Variants in AP5M1 observed in about 807,000 individuals in gnomAD.
AP5M1 encodes AP-5 complex subunit mu-1.
In AP5M1, 44 loss-of-function variants were observed where a neutral mutation model predicts 52.3. That is an observed-to-expected ratio of 0.84 (90% CI 0.66 to 1.08). AP5M1 has a LOEUF of 1.08. AP5M1 is among the 50% of genes least tolerant of loss of function. AP5M1 has a pLI of 0.00. For missense variants in AP5M1, 526 were observed against 568.4 expected (o/e 0.93, Z 0.76); for synonymous variants, 213 against 199.0 (o/e 1.07, Z -0.59).
In AP5M1 at chr14:57,269,011, G is replaced by C. The variant is rs1319578125; in HGVS notation, c.-304G>C. On this transcript the variant is annotated 5_prime_UTR_variant, in exon 1 of 8. Transcript: ENST00000261558. ...GTGTATGAGGAACTTTGATCCTTGC[G>C]GGCCACCATTCCGGAAGTAGAATTT... 1 of 553,476 alleles carries C rather than the reference G, an allele frequency of 1.8e-6. No individual in the cohort carries two copies. The highest frequency in any genetic ancestry group is 1.9e-5 in the African/African-American group (1 of 51,742). The allele number at this position is 553,476 out of a possible 1,614,324, so 34.3% of individuals were successfully genotyped here. A position where few individuals can be genotyped will look rare whatever the true frequency, so the allele number is the denominator to read the frequency against.
At position 57,269,225 on chromosome 14, in the gene AP5M1, T is replaced by C. The variant is rs1884811017; in HGVS notation, c.-90T>C. 1.0e-5 allele frequency: 13 copies of C among 1,268,158 alleles called. No homozygotes were observed. Among genetic ancestry groups the C allele is most frequent in the Non-Finnish European group, 1.5e-5 (13 of 882,460 alleles). 78.6% of individuals were successfully genotyped at this position (1,268,158 alleles called of 1,614,324 possible). ...GGCGCAGGATGAGCCTCAGGGCTTCTGTTAAGAGTCTGTCTGAGAAAGCCG... is the reference window on the plus strand; with the variant it reads ...GGCGCAGGATGAGCCTCAGGGCTTCCGTTAAGAGTCTGTCTGAGAAAGCCG... On this transcript the variant is annotated 5_prime_UTR_variant, in exon 1 of 8. Coordinates refer to ENST00000261558, the MANE Select transcript of AP5M1 (RefSeq NM_018229.4).
intron 1 of AP5M1, among the ~76,000 whole-genome samples, chr14:57,272,843 A>G (rs908135498): frequency 2.6e-5 from 4 of 152,182 alleles, no homozygotes; most frequent in Admixed American, 2.0e-4. Flanking sequence ...ATCAGAATGT[A>G]GGTGATATTT....
chr14:57,288,213 T>C (rs1885353805), intron 7 of AP5M1, among the ~76,000 whole-genome samples: 2 of 151,706 alleles, frequency 1.3e-5, no homozygotes, highest in Admixed American at 6.6e-5. Flanking sequence ...AGAATTTACA[T>C]GTGTAACTCC....
In AP5M1 at chr14:57,288,985, C is replaced by T; in HGVS notation, c.*101C>T. ...TGCATATAACCTGTGAGTGAAAAATCACTGAATGATTTAATTGTAAAAGTA... is the reference window on the plus strand; with the variant it reads ...TGCATATAACCTGTGAGTGAAAAATTACTGAATGATTTAATTGTAAAAGTA... On this transcript the variant is annotated 3_prime_UTR_variant, in exon 8 of 8. Coordinates refer to ENST00000261558, the MANE Select transcript of AP5M1 (RefSeq NM_018229.4). 3.0e-6 allele frequency: 2 copies of T among 658,294 alleles called. No individual in the cohort carries two copies. The highest frequency in any genetic ancestry group is 2.1e-5 in the South Asian group (1 of 47,694). 40.8% of individuals were successfully genotyped at this position (658,294 alleles called of 1,614,324 possible).
chr14:57,274,183 T>A (rs1884960461), intron 1 of AP5M1, 61 bp from the exon 2 acceptor site: 2 of 1,505,460 alleles, frequency 1.3e-6, no homozygotes, highest in Non-Finnish European at 1.8e-6. Flanking sequence ...TTTAAAAAAA[T>A]TCTTTCATCT....
chr14:57,296,119 A>G lies in AP5M1; in HGVS notation c.*7235A>G, dbSNP rs1230267875. On this transcript the variant is annotated 3_prime_UTR_variant, in exon 8 of 8. Transcript: ENST00000261558. ...GAATTTTAGCCTTTACCTTTCTAAA[A>G]TGAACAATTTAAATCACTCTTACAC... The G allele has an allele frequency of 6.6e-6, 1 of 152,050 alleles. No individual in the cohort carries two copies. The allele number at this position is 152,050 out of a possible 1,614,324, so 9.4% of individuals were successfully genotyped here.
chr14:57,272,364 T>G (rs1344233241), intron 1 of AP5M1, among the ~76,000 whole-genome samples: 1 of 152,228 alleles, frequency 6.6e-6, no homozygotes, highest in African/African-American at 2.4e-5. Flanking sequence ...AGGCAAATGA[T>G]GTTTTCTCTA....
At position 57,291,535 on chromosome 14, in the gene AP5M1, T is replaced by C. The variant is rs534737091; in HGVS notation, c.*2651T>C. The C allele has an allele frequency of 1.3e-5, 2 of 152,018 alleles. No individual in the cohort carries two copies. Among genetic ancestry groups the C allele is most frequent in the South Asian group, 4.1e-4 (2 of 4,830 alleles). The allele number at this position is 152,018 out of a possible 1,614,324, so 9.4% of individuals were successfully genotyped here. On this transcript the variant is annotated 3_prime_UTR_variant, in exon 8 of 8. Transcript: ENST00000261558. The stretch of plus-strand genomic sequence containing the variant: ...CAATACCCTTACGGTGGTGGCAATT[T>C]TTTTTTAACTTTTTAAGTAATTGAT...
chr14:57,274,185 C>T, intron 1 of AP5M1, 59 bp from the exon 2 acceptor site: 1 of 1,508,402 alleles, frequency 6.6e-7, no homozygotes, highest in Non-Finnish European at 8.8e-7. Flanking sequence ...TAAAAAAATT[C>T]TTTCATCTTG....
chr14:57,274,383 C>T lies in AP5M1; in HGVS notation c.214C>T (p.Arg72Cys), dbSNP rs777090525. 5.6e-6 allele frequency: 9 copies of T among 1,614,118 alleles called. No individual in the cohort carries two copies. Among genetic ancestry groups the T allele is most frequent in the African/African-American group, 2.7e-5 (2 of 75,020 alleles). The change falls in exon 2 of 8, where the codon CGT (arginine) becomes TGT (cysteine). Residue 72 changes from arginine (R) to cysteine (C), a missense_variant. Around this residue, in one of 3 missense-constraint regions of AP5M1, gnomAD observed 425 missense variants for 430.6 expected, o/e 0.99. Transcript: ENST00000261558. ...LDDDKDFVES[R>C]DSCSRINKTS... ...TGATGATAAAGACTTCGTTGAGAGT[C>T]GTGATAGCTGTTCACGCATCAATAA...
At chr14:57,283,315 C>T (rs978904420) in intron 6 of AP5M1, 85 bp downstream of exon 6, 6 of 797,356 alleles carry the variant, frequency 7.5e-6, no homozygotes, top group Non-Finnish European at 1.2e-5. Context: ...TAATGTTTTC[C>T]ACCAATTGTT....
At position 57,269,135 on chromosome 14, in the gene AP5M1, G is replaced by C. The variant is rs1884806892; in HGVS notation, c.-180G>C. 6 of 613,622 alleles carry C rather than the reference G, an allele frequency of 9.8e-6. No homozygotes were observed. The highest frequency in any genetic ancestry group is 1.7e-5 in the Non-Finnish European group (6 of 347,458). 38.0% of individuals were successfully genotyped at this position (613,622 alleles called of 1,614,324 possible). A position where few individuals can be genotyped will look rare whatever the true frequency, so the allele number is the denominator to read the frequency against. ...TTTGTGGTGTGTGTTGGCCTAGAGC[G>C]ACTCAGAAGCGTTAGTGACTTCACC... On this transcript the variant is annotated 5_prime_UTR_variant, in exon 1 of 8. Transcript: ENST00000261558.
In AP5M1 at chr14:57,289,405, C is replaced by G. The variant is rs577835267; in HGVS notation, c.*521C>G. The G allele has an allele frequency of 2.6e-4, 39 of 152,202 alleles. No individual in the cohort carries two copies. Among genetic ancestry groups the G allele is most frequent in the Non-Finnish European group, 4.7e-4 (32 of 68,010 alleles). 9.4% of individuals were successfully genotyped at this position (152,202 alleles called of 1,614,324 possible). ...ATACCAGAGACCATGTTAGAGACAA[C>G]TACATCTCTTCAAAAAACAGCCAAC... is the stretch of plus-strand genomic sequence containing the variant. On this transcript the variant is annotated 3_prime_UTR_variant, in exon 8 of 8. Transcript: ENST00000261558.
In AP5M1 at chr14:57,295,589, T is replaced by C. The variant is rs1885533094; in HGVS notation, c.*6705T>C. ...ATAATAAAAATGAGTCAGTCACTTG[T>C]ACATTTTAGAAAATAAATAACTTTT... is the stretch of plus-strand genomic sequence containing the variant. On this transcript the variant is annotated 3_prime_UTR_variant, in exon 8 of 8. Coordinates refer to ENST00000261558, the MANE Select transcript of AP5M1 (RefSeq NM_018229.4). The C allele has an allele frequency of 6.6e-6, 1 of 151,964 alleles. No homozygotes were observed. The highest frequency in any genetic ancestry group is 1.5e-5 in the Non-Finnish European group (1 of 67,888). The allele number at this position is 151,964 out of a possible 1,614,324, so 9.4% of individuals were successfully genotyped here.
chr14:57,283,507 C>G (rs542126359), intron 6 of AP5M1, among the ~76,000 whole-genome samples: 7 of 152,168 alleles, frequency 4.6e-5, no homozygotes, highest in South Asian at 2.1e-4. Flanking sequence ...GAGGATCGCT[C>G]AAGCCCAGGA....
In AP5M1 at chr14:57,275,034, T is replaced by C. The variant is rs766909075; in HGVS notation, c.720+145T>C. ...TGGGAGAGTCATGTAAAATTTTATGTTATCTTTTTGCATTCCTTACCAATT... is the reference window on the plus strand; with the variant it reads ...TGGGAGAGTCATGTAAAATTTTATGCTATCTTTTTGCATTCCTTACCAATT... On this transcript the variant is annotated intron_variant, in intron 2 of 7. Transcript: ENST00000261558. 4.6e-6 allele frequency: 4 copies of C among 878,226 alleles called. No homozygotes were observed. The Admixed American group carries it at 7.4e-5, about 16-fold the overall frequency. 54.4% of individuals were successfully genotyped at this position (878,226 alleles called of 1,614,324 possible).
Position 57,288,653 on chromosome 14 carries a change from A to G in AP5M1, c.1391-149A>G, listed in dbSNP as rs746126872. On this transcript the variant is annotated intron_variant, in intron 7 of 7. Coordinates refer to ENST00000261558, the MANE Select transcript of AP5M1 (RefSeq NM_018229.4). ...TATTTGTAAAATGGTAAAAGTTATA[A>G]TAAAGTCTTGATAATATGAAATTAA... 83 of 553,546 alleles carry G rather than the reference A, an allele frequency of 1.5e-4. 1 individual carries two copies. The highest frequency in any genetic ancestry group is 2.5e-4 in the Non-Finnish European group (78 of 311,038). The allele number at this position is 553,546 out of a possible 1,614,324, so 34.3% of individuals were successfully genotyped here.
At position 57,296,181 on chromosome 14, in the gene AP5M1, A is replaced by T. The variant is rs1488966420; in HGVS notation, c.*7297A>T. 6.6e-6 allele frequency: 1 copy of T among 152,010 alleles called. No individual in the cohort carries two copies. Among genetic ancestry groups the T allele is most frequent in the Non-Finnish European group, 1.5e-5 (1 of 67,952 alleles). 9.4% of individuals were successfully genotyped at this position (152,010 alleles called of 1,614,324 possible). A position where few individuals can be genotyped will look rare whatever the true frequency, so the allele number is the denominator to read the frequency against. On this transcript the variant is annotated 3_prime_UTR_variant, in exon 8 of 8. Transcript: ENST00000261558. ...AAATATAGTATTTAACAGGGATTAA[A>T]ATGTTTTACTTGGTCTCTTAGTGTT...
At position 57,297,186 on chromosome 14, in the gene AP5M1, A is replaced by G. The variant is rs1240947756; in HGVS notation, c.*8302A>G. On this transcript the variant is annotated 3_prime_UTR_variant, in exon 8 of 8. Coordinates refer to ENST00000261558, the MANE Select transcript of AP5M1 (RefSeq NM_018229.4). The stretch of plus-strand genomic sequence containing the variant: ...TAAATATAAATGTCTAATGAAAGTA[A>G]TTACTATTATATTTGATTTGATATT... 2.6e-5 allele frequency: 4 copies of G among 152,030 alleles called. No individual in the cohort carries two copies. The highest frequency in any genetic ancestry group is 2.9e-5 in the Non-Finnish European group (2 of 67,996). The allele number at this position is 152,030 out of a possible 1,614,324, so 9.4% of individuals were successfully genotyped here.
Sources: gnomAD v4.1 joint callset for allele counts (sites outside exome capture counted in the v4.1 genomes callset) on GRCh38, gnomAD v4.1.1 for gene constraint, gnomAD v4.1.1 regional missense constraint, MANE v1.5 for transcripts, NCBI Gene and HGNC (gene_info 2026-07-23, HGNC 2026-07-21) for gene names.